STK3: variants seen among roughly 807,000 people sequenced by gnomAD.
STK3 encodes serine/threonine-protein kinase 3.
A neutral mutation model predicts 58.0 loss-of-function variants in STK3; 41 were observed. That is an observed-to-expected ratio of 0.71 (90% CI 0.55 to 0.92). STK3 has a LOEUF of 0.92. STK3 is among the 40% of genes least tolerant of loss of function. The pLI is 0.00. For missense variants in STK3, 479 were observed against 602.7 expected (o/e 0.79, Z 2.15); for synonymous variants, 170 against 191.0 (o/e 0.89, Z 0.91).
intron 10 of STK3, among the ~76,000 whole-genome samples, chr8:98,503,560 C>T (rs971844686): frequency 1.3e-5 from 2 of 152,204 alleles, no homozygotes; most frequent in African/African-American, 2.4e-5. Flanking sequence ...TTTCCCTCTA[C>T]AAACTGCTTT....
At chr8:98,487,765 C>T (rs1027202185) in intron 10 of STK3, among the ~76,000 whole-genome samples, 3 of 152,176 alleles carry the variant, frequency 2.0e-5, no homozygotes, top group East Asian at 1.9e-4. Flanking sequence ...ACAATCCTCA[C>T]GTCCCCCACT....
At chr8:98,735,954 T>C (rs943663715) in intron 4 of STK3, among the ~76,000 whole-genome samples, 3 of 152,080 alleles carry the variant, frequency 2.0e-5, no homozygotes, top group East Asian at 3.8e-4. Context: ...TTTTAAAATA[T>C]GTGAAGTACT....
chr8:98,561,648 CCT>C (rs1342856636), intron 8 of STK3, among the ~76,000 whole-genome samples: 2 of 151,932 alleles, frequency 1.3e-5, no homozygotes, highest in Admixed American at 1.3e-4. Flanking sequence ...AGAATGAGAC[CCT>C]GTCTCTAAAA....
chr8:98,426,500 G>A (rs1818234553), intron 3 of STK3, among the ~76,000 whole-genome samples: 1 of 151,952 alleles, frequency 6.6e-6, no homozygotes, highest in Admixed American at 6.6e-5. Context: ...CCCGCCGTGC[G>A]GCCTGCGCTC....
chr8:98,691,545 T>C (rs750903799), intron 6 of STK3, among the ~76,000 whole-genome samples: 3 of 151,840 alleles, frequency 2.0e-5, no homozygotes, highest in Non-Finnish European at 4.4e-5. Context: ...AAACAGGCAG[T>C]AAAAAGTTAA....
At chr8:98,777,454 G>A (rs1320708277) in intron 1 of STK3, among the ~76,000 whole-genome samples, 1 of 152,120 alleles carries the variant, frequency 6.6e-6, no homozygotes, top group East Asian at 1.9e-4. Context: ...AGGTTGCAGT[G>A]AGCCGAGATC....
intron 9 of STK3, 139 bp downstream of exon 9, chr8:98,547,830 T>A: frequency 3.0e-6 from 2 of 656,754 alleles, no homozygotes; most frequent in Non-Finnish European, 4.5e-6. Flanking sequence ...TGTGCCATAC[T>A]CTTTTTTACT....
chr8:98,617,808 G>T (rs1451630769), intron 6 of STK3, among the ~76,000 whole-genome samples: 7 of 152,132 alleles, frequency 4.6e-5, no homozygotes, highest in African/African-American at 1.7e-4. Flanking sequence ...AGCTGAAATT[G>T]TGGCAATAAT....
intron 4 of STK3, among the ~76,000 whole-genome samples, chr8:98,715,526 A>C (rs1354561946): frequency 1.3e-5 from 2 of 152,250 alleles, no homozygotes; most frequent in African/African-American, 4.8e-5. Context: ...AAGACCCATG[A>C]AAACATGCTC....
At chr8:98,882,487 C>G (rs922666658), downstream of STK3, 1 of 149,978 alleles carries the variant, frequency 6.7e-6, no homozygotes, top group Non-Finnish European at 1.5e-5. Context: ...GCAGTCTCAC[C>G]TTACTGCAAC....
downstream of STK3, among the ~76,000 whole-genome samples, chr8:98,367,618 G>C (rs865928927): frequency 6.6e-6 from 1 of 152,164 alleles, no homozygotes; most frequent in South Asian, 2.1e-4. Context: ...CTGGAGCGGG[G>C]TTTCTTCCTC....
At chr8:98,930,155 G>A (rs867528756) in intron 1 of STK3, among the ~76,000 whole-genome samples, 1 of 152,118 alleles carries the variant, frequency 6.6e-6, no homozygotes, top group Non-Finnish European at 1.5e-5. Context: ...TGTAAGCTGA[G>A]GCCTAGAGTG....
At chr8:98,939,772 A>G (rs567440637) in intron 1 of STK3, among the ~76,000 whole-genome samples, 2 of 152,336 alleles carry the variant, frequency 1.3e-5, no homozygotes, top group South Asian at 4.1e-4. Flanking sequence ...TTTTCCGAGG[A>G]TGTTCTTTTC....
At chr8:98,849,261 A>G (rs564830621) in intron 3 of STK3, among the ~76,000 whole-genome samples, 1 of 152,148 alleles carries the variant, frequency 6.6e-6, no homozygotes, top group Admixed American at 6.6e-5. Flanking sequence ...TTAAAAGCAT[A>G]AAAAATCATC....
chr8:98,847,865 A>T (rs1409070754), intron 3 of STK3, among the ~76,000 whole-genome samples: 1 of 152,148 alleles, frequency 6.6e-6, no homozygotes, highest in African/African-American at 2.4e-5. Flanking sequence ...TAGGGAATAG[A>T]GTCCTTAGAC....
At chr8:98,748,220 T>C (rs1829763361) in intron 4 of STK3, among the ~76,000 whole-genome samples, 1 of 152,186 alleles carries the variant, frequency 6.6e-6, no homozygotes, top group Non-Finnish European at 1.5e-5. Context: ...CTAACTGGGA[T>C]ATAATTACTT....
rs142112755 is a variant in STK3, at chr8:98,751,691, G to A, written c.237-2301C>T. 7.5e-3 allele frequency among the ~76,000 whole-genome samples: 1,149 copies of A among 152,290 alleles called. 13 individuals carry two copies. Among genetic ancestry groups the A allele is most frequent in the African/African-American group, 0.025 (1,052 of 41,552 alleles). On this transcript the variant is annotated intron_variant, in intron 3 of 10. Transcript: ENST00000419617. The stretch of plus-strand genomic sequence containing the variant: ...AATGAGGCTGGGCACTGTGGCTCAC[G>A]CCTGTAAACCCAGCACTTTGAGAGG...
At chr8:98,459,745 C>T (rs1384219155) in intron 10 of STK3, among the ~76,000 whole-genome samples, 3 of 152,358 alleles carry the variant, frequency 2.0e-5, no homozygotes, top group South Asian at 2.1e-4. Context: ...AGGTACAGCT[C>T]GGGCCATGGC....
At chr8:98,361,788 T>G in the STK3 span, among the ~76,000 whole-genome samples, 1 of 152,178 alleles carries the variant, frequency 6.6e-6, no homozygotes. Flanking sequence ...CAAGGTGGTT[T>G]TGCTGGTCTG....
Sources: gnomAD v4.1 joint callset for allele counts (sites outside exome capture counted in the v4.1 genomes callset) on GRCh38, gnomAD v4.1.1 for gene constraint, MANE v1.5 for transcripts, NCBI Gene and HGNC (gene_info 2026-07-23, HGNC 2026-07-21) for gene names.